MEP1A: variants seen among roughly 807,000 people sequenced by gnomAD.
The protein encoded by MEP1A is meprin A subunit alpha, also known as N-benzoyl-L-tyrosyl-P-amino-benzoic acid hydrolase subunit alpha.
Under a neutral mutation model 84.5 loss-of-function variants are expected in MEP1A, and 68 were observed. The observed-to-expected ratio is 0.80, with a 90% CI of 0.66 to 0.98. The LOEUF (loss-of-function observed/expected upper bound fraction) is 0.98. Among genes scored for constraint, MEP1A ranks in the 50% least tolerant of loss-of-function variants. The probability of loss-of-function intolerance (pLI) is 0.00; values close to 1 mark genes in which losing one functional copy is unlikely to be tolerated. For synonymous variants in MEP1A, 337 were observed against 336.8 expected (o/e 1.00, Z -0.01); for missense variants, 887 against 919.9 (o/e 0.96, Z 0.46).
intron 9 of MEP1A, among the ~76,000 whole-genome samples, chr6:46,827,537 C>CTACGG (rs775461890): frequency 9.2e-5 from 14 of 152,286 alleles, no homozygotes; most frequent in Non-Finnish European, 1.9e-4. Context: ...ATTGCAAAGT[C>CTACGG]ACTTAGTCCG....
intron 6 of MEP1A, among the ~76,000 whole-genome samples, chr6:46,819,157 C>T (rs1767708250): frequency 6.6e-6 from 1 of 152,110 alleles, no homozygotes; most frequent in Non-Finnish European, 1.5e-5. Context: ...CCTCAGACAA[C>T]AATTTTTTAG....
intron 5 of MEP1A, among the ~76,000 whole-genome samples, chr6:46,806,603 T>C (rs1692240279): frequency 6.6e-6 from 1 of 152,054 alleles, no homozygotes; most frequent in Admixed American, 6.6e-5. Flanking sequence ...TTCCAATGGC[T>C]ACTACCTACT....
At chr6:46,840,688 C>T (rs1046523246), downstream of MEP1A, among the ~76,000 whole-genome samples, 6 of 152,214 alleles carry the variant, frequency 3.9e-5, no homozygotes, top group South Asian at 2.1e-4. Flanking sequence ...CTATCTCCTT[C>T]CACATGACTT....
At chr6:46,835,107 C>T (rs1768183329) in intron 12 of MEP1A, 142 bp from the exon 13 acceptor site, 1 of 711,386 alleles carries the variant, frequency 1.4e-6, no homozygotes, top group Non-Finnish European at 2.3e-6. Context: ...CTGTGGGAAT[C>T]AGCTGGATTC....
At chr6:46,838,498 T>A (rs1768266252) in intron 13 of MEP1A, among the ~76,000 whole-genome samples, 1 of 152,246 alleles carries the variant, frequency 6.6e-6, no homozygotes, top group Non-Finnish European at 1.5e-5. Context: ...AACCTTATAG[T>A]AACATTTTAT....
chr6:46,801,051 C>G (rs780495012), intron 5 of MEP1A, among the ~76,000 whole-genome samples: 6 of 152,036 alleles, frequency 3.9e-5, no homozygotes, highest in Non-Finnish European at 8.8e-5. Flanking sequence ...AAATTACTGT[C>G]CATTTTTCTG....
chr6:46,798,093 G>A (rs1376101099), intron 3 of MEP1A, among the ~76,000 whole-genome samples: 2 of 151,628 alleles, frequency 1.3e-5, no homozygotes, highest in Non-Finnish European at 2.9e-5. Context: ...TCAGCCTCCC[G>A]AGTACCTGGG....
Position 46,797,792 on chromosome 6 carries a change from C to CTCTTTCTTTCTT in MEP1A, c.146-778_146-767dup, listed in dbSNP as rs552272095. Reference sequence around the variant, plus strand: ...TTTCTTTTTCTTTCTTTCTTTCTTTCTCTTTCTTTCTTTCTTTCTTTCTTT... The same window carrying CTCTTTCTTTCTT: ...TTTCTTTTTCTTTCTTTCTTTCTTTCTCTTTCTTTCTTTCTTTCTTTCTTTCTTTCTTTCTTT... On this transcript the variant is annotated intron_variant, in intron 3 of 13. Transcript: ENST00000230588. Among the ~76,000 whole-genome samples the CTCTTTCTTTCTT allele has an allele frequency of 7.8e-3, 1,073 of 136,786 alleles. 9 individuals are homozygous for CTCTTTCTTTCTT. The highest frequency in any genetic ancestry group is 0.048 in the East Asian group (222 of 4,578). The allele number at this position is 136,786 out of a possible 152,430, so 89.7% of individuals were successfully genotyped here. A position where few individuals can be genotyped will look rare whatever the true frequency, so the allele number is the denominator to read the frequency against.
intron 3 of MEP1A, 84 bp from the exon 4 acceptor site, chr6:46,798,522 G>A: frequency 8.8e-7 from 1 of 1,130,352 alleles, no homozygotes; most frequent in Non-Finnish European, 1.3e-6. Context: ...GATTTATAAT[G>A]GCAAATACTA....
chr6:46,797,012 G>A (rs1214277767), intron 3 of MEP1A, among the ~76,000 whole-genome samples: 1 of 152,246 alleles, frequency 6.6e-6, no homozygotes, highest in South Asian at 2.1e-4. Context: ...CAGGGTTAAA[G>A]AGGTTAAGCA....
At chr6:46,805,023 CT>C (rs1767283818) in intron 5 of MEP1A, among the ~76,000 whole-genome samples, 2 of 151,716 alleles carry the variant, frequency 1.3e-5, no homozygotes, top group African/African-American at 4.8e-5. Flanking sequence ...GCAATTTGTT[CT>C]TTTTTTGTTA....
chr6:46,838,628 C>T (rs1287657168), intron 13 of MEP1A, among the ~76,000 whole-genome samples: 1 of 152,206 alleles, frequency 6.6e-6, no homozygotes, highest in East Asian at 1.9e-4. Flanking sequence ...CTTTAAGTGT[C>T]TCAGGCCTTC....
At chr6:46,816,778 G>A (rs1252110554) in intron 6 of MEP1A, among the ~76,000 whole-genome samples, 2 of 152,172 alleles carry the variant, frequency 1.3e-5, no homozygotes, top group East Asian at 1.9e-4. Flanking sequence ...ACTGCGGGCT[G>A]CATGGGAACA....
At chr6:46,824,766 AAATT>A (rs1294965402) in intron 7 of MEP1A, among the ~76,000 whole-genome samples, 3 of 118,224 alleles carry the variant, frequency 2.5e-5, no homozygotes, top group Admixed American at 9.6e-5. Flanking sequence ...AAATATATAT[AAATT>A]ATGTATTTAA....
intron 8 of MEP1A, among the ~76,000 whole-genome samples, chr6:46,825,791 G>A (rs1409448691): frequency 6.6e-6 from 1 of 152,146 alleles, no homozygotes; most frequent in Non-Finnish European, 1.5e-5. Context: ...GTTTTATAAA[G>A]TCAAAGTACT....
chr6:46,829,677 C>G, intron 10 of MEP1A, 106 bp downstream of exon 10: 1 of 772,754 alleles, frequency 1.3e-6, no homozygotes, highest in Non-Finnish European at 2.2e-6. Flanking sequence ...CTCTCTCCTC[C>G]TCCTTTTCCT....
chr6:46,814,914 C>G (rs1250979206), intron 6 of MEP1A, among the ~76,000 whole-genome samples: 1 of 152,168 alleles, frequency 6.6e-6, no homozygotes, highest in Non-Finnish European at 1.5e-5. Flanking sequence ...GGTCTTGCAG[C>G]TATGGACACC....
At chr6:46,808,425 T>C (rs531298833) in intron 5 of MEP1A, among the ~76,000 whole-genome samples, 2 of 152,108 alleles carry the variant, frequency 1.3e-5, no homozygotes, top group Non-Finnish European at 2.9e-5. Flanking sequence ...AAATGTGATG[T>C]AATTTCCTGG....
At chr6:46,800,153 G>A (rs1767160695) in intron 5 of MEP1A, among the ~76,000 whole-genome samples, 1 of 152,274 alleles carries the variant, frequency 6.6e-6, no homozygotes, top group South Asian at 2.1e-4. Flanking sequence ...ATACTTAATG[G>A]AACATGATTT....
Sources: gnomAD v4.1 joint callset for allele counts (sites outside exome capture counted in the v4.1 genomes callset) on GRCh38, gnomAD v4.1.1 for gene constraint, MANE v1.5 for transcripts, NCBI Gene and HGNC (gene_info 2026-07-23, HGNC 2026-07-21) for gene names.